The following NDFIP1 variants were observed in gnomAD, a reference collection of about 807,000 sequenced individuals.
The protein encoded by NDFIP1 is NEDD4 family-interacting protein 1.
A neutral mutation model predicts 28.8 loss-of-function variants in NDFIP1; 7 were observed. The ratio of observed to expected loss-of-function variants is 0.24; its 90% CI spans 0.14 to 0.46. The LOEUF is 0.46. NDFIP1 is among the 20% of genes least tolerant of loss of function. The pLI is 0.99. For missense variants in NDFIP1, 194 were observed against 269.1 expected, an observed-to-expected ratio of 0.72 and a Z score of 1.95; for synonymous variants, 92 against 101.0, an observed-to-expected ratio of 0.91 and a Z score of 0.53.
intron 1 of NDFIP1, among the ~76,000 whole-genome samples, chr5:142,123,625 T>TAA (rs1169883106): frequency 6.6e-6 from 1 of 152,218 alleles, no homozygotes; most frequent in East Asian, 1.9e-4. Flanking sequence ...CTTGAGAGGT[T>TAA]AAAACAGAAT....
intron 1 of NDFIP1, among the ~76,000 whole-genome samples, chr5:142,117,168 G>T (rs372542209): frequency 8.5e-5 from 13 of 152,152 alleles, no homozygotes; most frequent in African/African-American, 3.1e-4. Flanking sequence ...TCTATCTGGA[G>T]ACTGGACAAT....
Position 142,108,812 on chromosome 5 carries a change from G to A in NDFIP1, c.-163G>A. 1 of 509,582 alleles carries A rather than the reference G, an allele frequency of 2.0e-6. No homozygotes were observed. Among genetic ancestry groups the A allele is most frequent in the Admixed American group, 4.5e-5 (1 of 22,308 alleles). 31.6% of individuals were successfully genotyped at this position (509,582 alleles called of 1,614,324 possible). ...CGTCGGAGCCTCGGCGGCGGCGGCG[G>A]TGCTTACAGCCTGAGAAGAGCGTCT... On this transcript the variant is annotated 5_prime_UTR_variant, in exon 1 of 8. In the 5' UTR this introduces an upstream ATG that the reference lacks. Transcript: ENST00000253814.
At chr5:142,134,563 G>C (rs956056222) in intron 3 of NDFIP1, among the ~76,000 whole-genome samples, 2 of 152,164 alleles carry the variant, frequency 1.3e-5, no homozygotes, top group African/African-American at 2.4e-5. Context: ...GGGAACCACT[G>C]TTAACAATTT....
intron 1 of NDFIP1, among the ~76,000 whole-genome samples, chr5:142,109,568 G>A (rs948282863): frequency 6.6e-6 from 1 of 152,170 alleles, no homozygotes; most frequent in African/African-American, 2.4e-5. Context: ...AATGAAGCAA[G>A]AGACAAGCCC....
chr5:142,144,328 C>T, intron 6 of NDFIP1: 3 of 271,476 alleles, frequency 1.1e-5, no homozygotes, highest in South Asian at 9.4e-5. Context: ...TTTTTATTTC[C>T]TTTTTAGACC....
intron 4 of NDFIP1, among the ~76,000 whole-genome samples, chr5:142,136,357 C>T (rs1042144913): frequency 1.3e-5 from 2 of 152,142 alleles, no homozygotes; most frequent in African/African-American, 2.4e-5. Context: ...ATTCAGAGAA[C>T]AGGAGGATGA....
intron 1 of NDFIP1, among the ~76,000 whole-genome samples, chr5:142,113,130 G>A (rs1757032475): frequency 6.6e-6 from 1 of 152,220 alleles, no homozygotes; most frequent in South Asian, 2.1e-4. Context: ...AGAATGTTTA[G>A]TTCTGGACTT....
In NDFIP1 at chr5:142,140,643, A is replaced by G; in HGVS notation, c.562+14A>G. Reference sequence around the variant, plus strand: ...TCCTTGTTTTAGGTAAGTGTTTTTAATGTAAGAAAAGGCAAGAAAACATTA... The same window carrying G: ...TCCTTGTTTTAGGTAAGTGTTTTTAGTGTAAGAAAAGGCAAGAAAACATTA... On this transcript the variant is annotated intron_variant, in intron 6 of 7. Transcript: ENST00000253814. 6.2e-7 allele frequency: 1 copy of G among 1,600,262 alleles called. No homozygotes were observed. Among genetic ancestry groups the G allele is most frequent in the South Asian group, 1.1e-5 (1 of 87,954 alleles).
At chr5:142,112,428 A>G (rs1757024123) in intron 1 of NDFIP1, among the ~76,000 whole-genome samples, 1 of 151,108 alleles carries the variant, frequency 6.6e-6, no homozygotes, top group South Asian at 2.1e-4. Context: ...AACTCCAGCT[A>G]CTTGGGAGGC....
chr5:142,147,569 C>T (rs1757401714), intron 7 of NDFIP1, among the ~76,000 whole-genome samples: 2 of 152,176 alleles, frequency 1.3e-5, no homozygotes, highest in Admixed American at 6.6e-5. Context: ...TGTTTTTACA[C>T]ACCTGGCCAG....
chr5:142,139,217 C>T, intron 5 of NDFIP1, among the ~76,000 whole-genome samples: 1 of 138,858 alleles, frequency 7.2e-6, no homozygotes, highest in African/African-American at 2.9e-5. Context: ...GAGACTCCTT[C>T]TCAAAAAAAA....
intron 7 of NDFIP1, among the ~76,000 whole-genome samples, chr5:142,149,294 A>T (rs1757421825): frequency 6.6e-6 from 1 of 152,090 alleles, no homozygotes; most frequent in South Asian, 2.1e-4. Context: ...AGGTTTACTT[A>T]TTGGACTATG....
chr5:142,141,960 C>T (rs1757336341), intron 6 of NDFIP1, among the ~76,000 whole-genome samples: 1 of 152,058 alleles, frequency 6.6e-6, no homozygotes, highest in Non-Finnish European at 1.5e-5. Flanking sequence ...ATAGCAAGAC[C>T]TCGTCTCTAC....
At chr5:142,142,825 G>A (rs1356100564) in intron 6 of NDFIP1, among the ~76,000 whole-genome samples, 2 of 149,486 alleles carry the variant, frequency 1.3e-5, no homozygotes, top group Non-Finnish European at 3.0e-5. Flanking sequence ...CTACTTGGGA[G>A]GAGAATGGCT....
At chr5:142,143,838 C>T (rs1757360253) in intron 6 of NDFIP1, 1 of 151,978 alleles carries the variant, frequency 6.6e-6, no homozygotes, top group African/African-American at 2.4e-5. Flanking sequence ...CCTATCTCTA[C>T]AGAAAATTAA....
At chr5:142,146,903 C>A (rs555126642) in intron 7 of NDFIP1, among the ~76,000 whole-genome samples, 2 of 151,976 alleles carry the variant, frequency 1.3e-5, no homozygotes, top group Non-Finnish European at 2.9e-5. Context: ...TTTTGATATT[C>A]TAAATTTAAA....
At position 142,150,721 on chromosome 5, in the gene NDFIP1, C is replaced by CAA. The variant is rs11301868; in HGVS notation, c.*3-997_*3-996dup. On this transcript the variant is annotated intron_variant, in intron 7 of 7. Transcript: ENST00000253814. ...AGCCTGAGTGACAGACTCTTGTCTC[C>CAA]AAAAAAAAAAAAAAGAAAAGAAAAG... Among the ~76,000 whole-genome samples the CAA allele has an allele frequency of 2.4e-3, 327 of 133,798 alleles. 1 individual carries two copies. The highest frequency in any genetic ancestry group is 4.1e-3 in the Non-Finnish European group (253 of 62,300). The allele number at this position is 133,798 out of a possible 152,430, so 87.8% of individuals were successfully genotyped here.
intron 1 of NDFIP1, among the ~76,000 whole-genome samples, chr5:142,122,640 T>G (rs969864971): frequency 6.6e-6 from 1 of 152,236 alleles, no homozygotes; most frequent in Non-Finnish European, 1.5e-5. Flanking sequence ...GGTTATTATA[T>G]ATTCTCAACA....
chr5:142,124,274 A>G (rs6877864), intron 1 of NDFIP1, among the ~76,000 whole-genome samples: 102,265 of 152,098 alleles, frequency 0.67, 34,690 homozygotes, highest in African/African-American at 0.77. Context: ...TACTACCATA[A>G]CCATGGTTGG....
Sources: allele counts gnomAD v4.1 joint callset (sites outside exome capture counted in the v4.1 genomes callset), GRCh38; gene constraint gnomAD v4.1.1; transcripts MANE v1.5; gene names NCBI Gene and HGNC (gene_info 2026-07-23, HGNC 2026-07-21).